The following GRIN3A variants were observed in gnomAD, a reference collection of about 807,000 sequenced individuals.
The protein encoded by GRIN3A is glutamate ionotropic receptor NMDA type subunit 3A.
GRIN3A carries 47 observed loss-of-function variants against 92.4 expected under a neutral mutation model. The observed-to-expected ratio is 0.51, with a 90% CI of 0.40 to 0.65. The LOEUF (loss-of-function observed/expected upper bound fraction) is 0.65. Ranked by LOEUF, GRIN3A falls within the 30% of genes least tolerant of loss-of-function variation. The pLI is 0.00. For synonymous variants in GRIN3A, 527 were observed against 540.6 expected (o/e 0.97, Z 0.35); for missense variants, 1,324 against 1,393.1 (o/e 0.95, Z 0.79).
rs776460537 is a variant in GRIN3A, at chr9:101,670,051, A to C, written c.2352+9T>G. The C allele has an allele frequency of 1.3e-6, 2 of 1,581,352 alleles. No individual in the cohort carries two copies. The highest frequency in any genetic ancestry group is 1.7e-6 in the Non-Finnish European group (2 of 1,150,382). On this transcript the variant is annotated intron_variant, in intron 3 of 8. Transcript: ENST00000361820. ...CAATCAAGAAAGCTAAAGTAAAATGAAGTATTACCTTGGGGTCATGTATTC... is the reference window on the plus strand; with the variant it reads ...CAATCAAGAAAGCTAAAGTAAAATGCAGTATTACCTTGGGGTCATGTATTC...
chr9:101,690,065 A>G (rs942648662), intron 1 of GRIN3A, among the ~76,000 whole-genome samples: 1 of 152,188 alleles, frequency 6.6e-6, no homozygotes, highest in African/African-American at 2.4e-5. Context: ...ACTGCCTTAT[A>G]GGTACATTCA....
chr9:101,627,430 C>T (rs1053316374), intron 4 of GRIN3A, among the ~76,000 whole-genome samples: 2 of 152,108 alleles, frequency 1.3e-5, no homozygotes, highest in Non-Finnish European at 2.9e-5. Context: ...TTTGAGGTGG[C>T]AGATCCTGCT....
At chr9:101,662,916 G>A (rs746029273) in intron 3 of GRIN3A, among the ~76,000 whole-genome samples, 14 of 151,752 alleles carry the variant, frequency 9.2e-5, no homozygotes, top group Admixed American at 3.3e-4. Context: ...GAAGTACATG[G>A]AGCCTGTAGG....
chr9:101,646,517 A>G (rs143158198), intron 3 of GRIN3A, among the ~76,000 whole-genome samples: 2,009 of 152,036 alleles, frequency 0.013, 61 homozygotes, highest in Admixed American at 0.06. Flanking sequence ...TTGGGGTTAC[A>G]TTACAATTTT....
rs1291873436 is a variant in GRIN3A at position 101,737,263 on chromosome 9, G to A, written c.699+18C>T. The A allele has an allele frequency of 1.2e-5, 19 of 1,607,198 alleles. No individual in the cohort carries two copies. Among genetic ancestry groups the A allele is most frequent in the South Asian group, 3.3e-5 (3 of 90,932 alleles). On this transcript the variant is annotated intron_variant, in intron 1 of 8. Transcript: ENST00000361820. Reference sequence around the variant, plus strand: ...CCAGCAGCGCCCATCTCCACTCCACGCACCAGGCTCCTCTCACCTGACTCT... The same window carrying A: ...CCAGCAGCGCCCATCTCCACTCCACACACCAGGCTCCTCTCACCTGACTCT...
intron 1 of GRIN3A, among the ~76,000 whole-genome samples, chr9:101,723,136 A>G (rs1408482823): frequency 6.6e-6 from 1 of 152,172 alleles, no homozygotes; most frequent in Non-Finnish European, 1.5e-5. Flanking sequence ...TGTGTCCAGA[A>G]TTGGTGGGTT....
intron 6 of GRIN3A, among the ~76,000 whole-genome samples, chr9:101,583,144 C>T (rs1223681993): frequency 6.6e-6 from 1 of 152,022 alleles, no homozygotes; most frequent in South Asian, 2.1e-4. Flanking sequence ...CCTTACTTAC[C>T]CAAGATCATG....
intron 1 of GRIN3A, among the ~76,000 whole-genome samples, chr9:101,711,872 C>A (rs1270732394): frequency 6.6e-6 from 1 of 152,144 alleles, no homozygotes; most frequent in Non-Finnish European, 1.5e-5. Flanking sequence ...AGCTATTTTT[C>A]AATATTTGTA....
In GRIN3A at chr9:101,737,986, G is replaced by T; in HGVS notation, c.-7C>A. 6.5e-7 allele frequency: 1 copy of T among 1,533,312 alleles called. No homozygotes were observed. Among genetic ancestry groups the T allele is most frequent in the South Asian group, 1.2e-5 (1 of 83,956 alleles). 95.0% of individuals were successfully genotyped at this position (1,533,312 alleles called of 1,614,324 possible). On this transcript the variant is annotated 5_prime_UTR_variant, in exon 1 of 9. Coordinates refer to ENST00000361820, the MANE Select transcript of GRIN3A (RefSeq NM_133445.3). ...ACAAACTCAGTCTCCTCATTACTGAGACCCGCAGGGAGAAAGCGCGCCCCC... is the reference window on the plus strand; with the variant it reads ...ACAAACTCAGTCTCCTCATTACTGATACCCGCAGGGAGAAAGCGCGCCCCC...
At chr9:101,595,059 A>C in intron 6 of GRIN3A, 100 of 687,540 alleles carry the variant, frequency 1.5e-4, no homozygotes, top group Middle Eastern at 5.1e-4. Flanking sequence ...GTCGAGCAAA[A>C]GGGCAGGGGA....
intron 1 of GRIN3A, among the ~76,000 whole-genome samples, chr9:101,719,263 G>C (rs115712547): frequency 6.6e-6 from 1 of 151,870 alleles, no homozygotes; most frequent in Non-Finnish European, 1.5e-5. Context: ...ATAAAAATAC[G>C]ACAAAATTCG....
intron 2 of GRIN3A, among the ~76,000 whole-genome samples, chr9:101,681,168 A>C (rs1829460861): frequency 6.6e-6 from 1 of 152,194 alleles, no homozygotes; most frequent in South Asian, 2.1e-4. Context: ...TCAAACTCCT[A>C]TTCACTTTCC....
chr9:101,667,824 C>A (rs1829261069), intron 3 of GRIN3A, among the ~76,000 whole-genome samples: 1 of 151,980 alleles, frequency 6.6e-6, no homozygotes, highest in African/African-American at 2.4e-5. Flanking sequence ...ATTATTCCTC[C>A]TAAATCCCGG....
In GRIN3A at chr9:101,697,142, A is replaced by G. The variant is rs543077092; in HGVS notation, c.700-9942T>C. Among the ~76,000 whole-genome samples, 25 of 152,310 alleles carry G rather than the reference A, an allele frequency of 1.6e-4. No individual in the cohort carries two copies. In the South Asian group the frequency reaches 5.0e-3, roughly 30 times the overall value. ...ACCTGACATTGACGAGCTTAACACTAGAAATAGTATTAGTATAACATTAAG... is the reference window on the plus strand; with the variant it reads ...ACCTGACATTGACGAGCTTAACACTGGAAATAGTATTAGTATAACATTAAG... On this transcript the variant is annotated intron_variant, in intron 1 of 8. Transcript: ENST00000361820.
chr9:101,604,363 A>C (rs10119650), intron 6 of GRIN3A, among the ~76,000 whole-genome samples: 1 of 152,092 alleles, frequency 6.6e-6, no homozygotes, highest in Non-Finnish European at 1.5e-5. Context: ...CCCTTTCTTC[A>C]GGCCTAATTT....
intron 6 of GRIN3A, among the ~76,000 whole-genome samples, chr9:101,597,182 A>G (rs1016274472): frequency 6.6e-6 from 1 of 152,178 alleles, no homozygotes; most frequent in Non-Finnish European, 1.5e-5. Context: ...TCCCTGTTCT[A>G]GTTAGATGCC....
At chr9:101,694,983 A>T (rs1004134643) in intron 1 of GRIN3A, among the ~76,000 whole-genome samples, 1 of 152,188 alleles carries the variant, frequency 6.6e-6, no homozygotes. Context: ...TCACATCTTC[A>T]TTTGAATTAT....
chr9:101,656,756 T>C (rs996447575), intron 3 of GRIN3A, among the ~76,000 whole-genome samples: 3 of 151,878 alleles, frequency 2.0e-5, no homozygotes, highest in African/African-American at 4.8e-5. Flanking sequence ...CTCCCTAAGA[T>C]AGAACAGGAT....
chr9:101,694,069 A>T (rs923278562), intron 1 of GRIN3A, among the ~76,000 whole-genome samples: 1 of 152,172 alleles, frequency 6.6e-6, no homozygotes, highest in Non-Finnish European at 1.5e-5. Context: ...TTATCCCTGC[A>T]TGGTGCAGTT....
Sources: gnomAD v4.1 joint callset for allele counts (sites outside exome capture counted in the v4.1 genomes callset) on GRCh38, gnomAD v4.1.1 for gene constraint, MANE v1.5 for transcripts, NCBI Gene and HGNC (gene_info 2026-07-23, HGNC 2026-07-21) for gene names.